Variants in TSHZ1 observed in about 807,000 individuals in gnomAD.
TSHZ1 encodes the protein teashirt homolog 1.
In TSHZ1, 12 loss-of-function variants were observed where a neutral mutation model predicts 67.1. The ratio of observed to expected loss-of-function variants is 0.18; its 90% CI spans 0.11 to 0.29. TSHZ1 has a LOEUF of 0.29. TSHZ1 is among the 10% of genes least tolerant of loss of function. TSHZ1 has a pLI of 1.00. For missense variants in TSHZ1, 1,305 were observed against 1,413.9 expected, an observed-to-expected ratio of 0.92 and a Z score of 1.23; for synonymous variants, 632 against 622.4, an observed-to-expected ratio of 1.02 and a Z score of -0.23.
chr18:75,217,131 C>A (rs1274714781), intron 1 of TSHZ1, among the ~76,000 whole-genome samples: 2 of 152,214 alleles, frequency 1.3e-5, no homozygotes, highest in African/African-American at 4.8e-5. Flanking sequence ...GGGCCTAGAC[C>A]TTACTCCCTG....
intron 1 of TSHZ1, among the ~76,000 whole-genome samples, chr18:75,224,154 G>A (rs764387903): frequency 6.0e-5 from 9 of 150,046 alleles, no homozygotes; most frequent in South Asian, 4.2e-4. Flanking sequence ...TTATTGGAAC[G>A]CTTTCATGTT....
Position 75,234,588 on chromosome 18 carries a change from GT to G in TSHZ1, c.40+22681del, listed in dbSNP as rs750486966. Among the ~76,000 whole-genome samples, 605 of 150,632 alleles carry G rather than the reference GT, an allele frequency of 4.0e-3. 2 individuals carry two copies. The highest frequency in any genetic ancestry group is 0.012 in the African/African-American group (501 of 40,348). The stretch of plus-strand genomic sequence containing the variant: ...GGCTTCTGCATGGTTATTTGAAGGG[GT>G]TTTTTTTTCCCCCCATTAAATTTTG... On this transcript the variant is annotated intron_variant, in intron 1 of 1. Transcript: ENST00000580243.
rs2023682602 is a variant in TSHZ1 at position 75,281,347 on chromosome 18, G to A, written c.41-4101G>A. ...TGAATCTGGAGATTCAGAAGGAGGA[G>A]AAAGTGTGCTGTTGTTTTGAGGAGG... On this transcript the variant is annotated intron_variant, in intron 1 of 1. Coordinates refer to ENST00000580243, the MANE Select transcript of TSHZ1 (RefSeq NM_001308210.2). This position sits in a 1 kb window ranked among gnomAD's most constrained non-coding sequence, Gnocchi z 5.3. Among the ~76,000 whole-genome samples, 1 of 152,218 alleles carries A rather than the reference G, an allele frequency of 6.6e-6. No individual in the cohort carries two copies. Among genetic ancestry groups the A allele is most frequent in the Non-Finnish European group, 1.5e-5 (1 of 68,038 alleles).
At chr18:75,236,091 A>G (rs1467405762) in intron 1 of TSHZ1, among the ~76,000 whole-genome samples, 4 of 152,098 alleles carry the variant, frequency 2.6e-5, no homozygotes, top group East Asian at 3.9e-4. Context: ...GGAAGCGTGC[A>G]TGATAGGAAG....
At chr18:75,257,589 T>A (rs902117851) in intron 1 of TSHZ1, among the ~76,000 whole-genome samples, 9 of 152,176 alleles carry the variant, frequency 5.9e-5, no homozygotes, top group Admixed American at 3.3e-4. Flanking sequence ...TAGTCTTCAG[T>A]TACTTTAGGA....
At chr18:75,275,844 A>G (rs1339146024) in intron 1 of TSHZ1, among the ~76,000 whole-genome samples, 1 of 152,214 alleles carries the variant, frequency 6.6e-6, no homozygotes, top group Non-Finnish European at 1.5e-5. Flanking sequence ...CATGCACTCC[A>G]GTAGTCAGCA....
At chr18:75,233,482 T>G (rs1179588232) in intron 1 of TSHZ1, among the ~76,000 whole-genome samples, 1 of 152,208 alleles carries the variant, frequency 6.6e-6, no homozygotes, top group Non-Finnish European at 1.5e-5. Flanking sequence ...TATAAGAAGA[T>G]GGATGCCGAT....
intron 1 of TSHZ1, among the ~76,000 whole-genome samples, chr18:75,255,769 C>T (rs1485712700): frequency 6.6e-6 from 1 of 152,200 alleles, no homozygotes; most frequent in Non-Finnish European, 1.5e-5. Flanking sequence ...AGTGATGCTG[C>T]AGTTACAAAA....
At chr18:75,223,576 G>A (rs558618424) in intron 1 of TSHZ1, among the ~76,000 whole-genome samples, 25 of 151,750 alleles carry the variant, frequency 1.6e-4, no homozygotes, top group South Asian at 1.0e-3. Context: ...CCCTGGAATC[G>A]AATATACATA....
At chr18:75,249,543 C>A (rs2023268293) in intron 1 of TSHZ1, among the ~76,000 whole-genome samples, 1 of 151,842 alleles carries the variant, frequency 6.6e-6, no homozygotes, top group Middle Eastern at 3.4e-3. Context: ...GGGCAGGTGA[C>A]CTCCTCGCCA....
intron 1 of TSHZ1, among the ~76,000 whole-genome samples, chr18:75,232,657 C>G (rs2122536962): frequency 6.6e-6 from 1 of 152,158 alleles, no homozygotes; most frequent in African/African-American, 2.4e-5. Context: ...CCAGGTAAAC[C>G]CTGAAGGAAG....
At chr18:75,237,962 G>A (rs373052832) in intron 1 of TSHZ1, among the ~76,000 whole-genome samples, 16 of 152,138 alleles carry the variant, frequency 1.1e-4, no homozygotes, top group African/African-American at 3.9e-4. Flanking sequence ...ACAGGCCTGT[G>A]CCACCATGCC....
intron 1 of TSHZ1, among the ~76,000 whole-genome samples, chr18:75,248,742 A>T (rs1437135073): frequency 6.6e-6 from 1 of 152,166 alleles, no homozygotes; most frequent in East Asian, 1.9e-4. Flanking sequence ...TACTTGCCTA[A>T]TTATACTTGC....
At chr18:75,228,149 C>T (rs561848688) in intron 1 of TSHZ1, among the ~76,000 whole-genome samples, 2 of 152,288 alleles carry the variant, frequency 1.3e-5, no homozygotes, top group African/African-American at 4.8e-5. Flanking sequence ...TTTCAAAGCT[C>T]AACTCACTAT....
Position 75,286,610 on chromosome 18 carries a change from C to T in TSHZ1, c.1203C>T (p.Gly401=), listed in dbSNP as rs769711329. Residue 401 remains glycine (G), a synonymous_variant, in exon 2 of 2, where the codon GGC becomes GGT. Transcript: ENST00000580243. This position sits in a 1 kb window ranked among gnomAD's most constrained non-coding sequence, Gnocchi z 5.1. ...TPNNRYGYQN[G]ASYTWQFEAR... is the part of the protein sequence containing the mutation. ...ATAACCGCTATGGCTACCAGAATGG[C>T]GCCAGCTACACCTGGCAGTTTGAGG... 11 of 1,614,134 alleles carry T rather than the reference C, an allele frequency of 6.8e-6. No individual in the cohort carries two copies. Among genetic ancestry groups the T allele is most frequent in the East Asian group, 6.7e-5 (3 of 44,890 alleles).
In TSHZ1 at chr18:75,286,533, C is replaced by T; in HGVS notation, c.1126C>T (p.Leu376=). 1 of 1,614,196 alleles carries T rather than the reference C, an allele frequency of 6.2e-7. No homozygotes were observed. The highest frequency in any genetic ancestry group is 1.6e-4 in the Middle Eastern group (1 of 6,062). The change falls in exon 2 of 2, where the codon CTG becomes TTG. Residue 376 remains leucine, a synonymous_variant. Coordinates refer to ENST00000580243, the MANE Select transcript of TSHZ1 (RefSeq NM_001308210.2). The surrounding 1 kb of genome is among the most constrained non-coding windows in gnomAD (Gnocchi z 5.1). ...EPAGMAAEVA[L]SESAKDQKAA... is the part of the protein sequence containing the mutation. ...AGCAGGAATGGCCGCAGAGGTGGCC[C>T]TGAGTGAGTCAGCCAAGGATCAGAA...
chr18:75,223,009 A>G (rs1043442130), intron 1 of TSHZ1, among the ~76,000 whole-genome samples: 4 of 152,194 alleles, frequency 2.6e-5, no homozygotes, highest in Non-Finnish European at 4.4e-5. Flanking sequence ...TGTTCTGTAG[A>G]GCACCTGCTC....
Position 75,286,496 on chromosome 18 carries a change from C to T in TSHZ1, c.1089C>T (p.Cys363=). Residue 363 remains cysteine, a synonymous_variant, in exon 2 of 2, where the codon TGC becomes TGT. Transcript: ENST00000580243. The surrounding 1 kb of genome is among the most constrained non-coding windows in gnomAD (Gnocchi z 5.1). ...KRALQDLAPP[C]SPEPAGMAAE... Reference sequence around the variant, plus strand: ...CGCTTCAGGACCTGGCGCCCCCCTGCTCCCCTGAGCCAGCAGGAATGGCCG... The same window carrying T: ...CGCTTCAGGACCTGGCGCCCCCCTGTTCCCCTGAGCCAGCAGGAATGGCCG... The T allele has an allele frequency of 6.2e-7, 1 of 1,614,222 alleles. No homozygotes were observed. Among genetic ancestry groups the T allele is most frequent in the Non-Finnish European group, 8.5e-7 (1 of 1,180,056 alleles).
chr18:75,271,521 C>G (rs1364120516), intron 1 of TSHZ1, among the ~76,000 whole-genome samples: 1 of 152,182 alleles, frequency 6.6e-6, no homozygotes, highest in Non-Finnish European at 1.5e-5. Flanking sequence ...GAGCCCCATC[C>G]CTGGTGTGCT....
Sources: allele counts gnomAD v4.1 joint callset (sites outside exome capture counted in the v4.1 genomes callset), GRCh38; gene constraint gnomAD v4.1.1; non-coding constraint Gnocchi (gnomAD v3.1); transcripts MANE v1.5; gene names NCBI Gene and HGNC (gene_info 2026-07-23, HGNC 2026-07-21).